GIPC2: variants seen among roughly 807,000 people sequenced by gnomAD.
GIPC2 encodes PDZ domain-containing protein GIPC2.
GIPC2 carries 30 observed loss-of-function variants against 30.6 expected under a neutral mutation model. The observed-to-expected ratio is 0.98, with a 90% CI of 0.73 to 1.33. GIPC2 has a LOEUF of 1.33. Ranked by LOEUF, GIPC2 falls within the 40% of genes most tolerant of loss-of-function variation. The pLI, the probability that GIPC2 is intolerant of heterozygous loss-of-function variation, is 0.00. For synonymous variants in GIPC2, 167 were observed against 150.0 expected (o/e 1.11, Z -0.83); for missense variants, 414 against 390.3 (o/e 1.06, Z -0.51).
rs143290392 is a variant in GIPC2, at chr1:78,083,709, G to A, written c.426+2849G>A. 5.9e-3 allele frequency among the ~76,000 whole-genome samples: 897 copies of A among 152,248 alleles called. 9 individuals are homozygous for A. Among genetic ancestry groups the A allele is most frequent in the African/African-American group, 0.02 (827 of 41,544 alleles). The stretch of plus-strand genomic sequence containing the variant: ...TTATTTATTGTCAACATGGGTACAT[G>A]ACTTCGTGTTTTACTGAATGGTTTA... On this transcript the variant is annotated intron_variant, in intron 2 of 5. Transcript: ENST00000370759.
At chr1:78,093,777 A>C (rs78993133) in intron 2 of GIPC2, among the ~76,000 whole-genome samples, 42 of 152,282 alleles carry the variant, frequency 2.8e-4, no homozygotes, top group African/African-American at 8.4e-4. Flanking sequence ...TATCATTCCT[A>C]TGAAGGATTT....
intron 1 of GIPC2, 79 bp from the exon 2 acceptor site, chr1:78,080,596 C>A: frequency 1.3e-6 from 1 of 775,042 alleles, no homozygotes; most frequent in South Asian, 2.0e-5. Context: ...GTATTTCAGT[C>A]AATAAATGTT....
upstream of GIPC2, chr1:78,045,786 G>C (rs191982465): frequency 7.8e-5 from 89 of 1,138,362 alleles, no homozygotes; most frequent in South Asian, 9.2e-4. Flanking sequence ...CTGTAGCGTC[G>C]GCATCCTCAG....
chr1:78,080,957 G>A, intron 2 of GIPC2, 97 bp downstream of exon 2: 1 of 587,558 alleles, frequency 1.7e-6, no homozygotes, highest in Non-Finnish European at 2.8e-6. Context: ...CAGAGTGAGA[G>A]CCCGCTCAGC....
intron 1 of GIPC2, among the ~76,000 whole-genome samples, chr1:78,067,482 T>C (rs990694887): frequency 3.9e-5 from 6 of 152,118 alleles, no homozygotes; most frequent in African/African-American, 1.4e-4. Flanking sequence ...GATGGAATCT[T>C]GCTCTGTTAC....
rs753214981 is a variant in GIPC2, at chr1:78,119,429, G to C, written c.644G>C (p.Gly215Ala). Residue 215 changes from glycine (G) to alanine (A), a missense_variant, in exon 4 of 6, where the codon GGA (glycine) becomes GCA (alanine). Gly to Ala is a moderately conservative substitution (Grantham distance 60). Transcript: ENST00000370759. ...AGGTCAAAGGCTGGAAAGTCATCAG[G>C]AGAAAAAATTGGTTGTGGAAGGGCA... ...ELRSKAGKSS[G>A]EKIGCGRATL... The C allele has an allele frequency of 6.2e-7, 1 of 1,612,704 alleles. No homozygotes were observed. The highest frequency in any genetic ancestry group is 1.1e-5 in the South Asian group (1 of 91,000).
chr1:78,087,554 T>C (rs1440384258), intron 2 of GIPC2, among the ~76,000 whole-genome samples: 1 of 152,198 alleles, frequency 6.6e-6, no homozygotes, highest in Admixed American at 6.5e-5. Context: ...GAAATGATGC[T>C]GGCTAGCCAT....
intron 5 of GIPC2, among the ~76,000 whole-genome samples, chr1:78,127,091 G>A (rs1013184509): frequency 6.6e-6 from 1 of 152,178 alleles, no homozygotes; most frequent in Non-Finnish European, 1.5e-5. Context: ...TGCATCCACA[G>A]GTATGCATTT....
At chr1:78,064,090 A>G (rs1051323740) in intron 1 of GIPC2, among the ~76,000 whole-genome samples, 11 of 152,232 alleles carry the variant, frequency 7.2e-5, no homozygotes, top group African/African-American at 2.7e-4. Context: ...CATTGCTGTC[A>G]ATGACTTGAT....
At chr1:78,062,584 T>C (rs1352074962) in intron 1 of GIPC2, among the ~76,000 whole-genome samples, 1 of 151,746 alleles carries the variant, frequency 6.6e-6, no homozygotes, top group African/African-American at 2.4e-5. Context: ...CTTGGCCCAC[T>C]GTAACCTCCA....
chr1:78,090,987 T>G (rs1383562124), intron 2 of GIPC2, among the ~76,000 whole-genome samples: 1 of 152,212 alleles, frequency 6.6e-6, no homozygotes, highest in Non-Finnish European at 1.5e-5. Flanking sequence ...AAAAAAAAAT[T>G]TCAGAGTTCA....
chr1:78,052,657 T>G lies in GIPC2; in HGVS notation c.240+6323T>G, dbSNP rs1295411201. On this transcript the variant is annotated intron_variant, in intron 1 of 5. Coordinates refer to ENST00000370759, the MANE Select transcript of GIPC2 (RefSeq NM_017655.6). ...ATATTTAAGGTATACAACACGATGT[T>G]TTGATATAAATAGTGAAATAATTAT... Among the ~76,000 whole-genome samples, 4 of 152,206 alleles carry G rather than the reference T, an allele frequency of 2.6e-5. No individual in the cohort carries two copies. The East Asian group carries it at 7.7e-4, about 29-fold the overall frequency.
chr1:78,098,096 A>G (rs1269408765), intron 3 of GIPC2, among the ~76,000 whole-genome samples: 1 of 152,238 alleles, frequency 6.6e-6, no homozygotes, highest in East Asian at 1.9e-4. Context: ...TTTTCTCTTG[A>G]TTTTGAATCT....
At chr1:78,079,185 G>A (rs1049681757) in intron 1 of GIPC2, among the ~76,000 whole-genome samples, 1 of 152,152 alleles carries the variant, frequency 6.6e-6, no homozygotes, top group Non-Finnish European at 1.5e-5. Context: ...ACAAAGACTG[G>A]GATGAAAAGA....
At position 78,106,325 on chromosome 1, in the gene GIPC2, C is replaced by T. The variant is rs141285115; in HGVS notation, c.607+11193C>T. On this transcript the variant is annotated intron_variant, in intron 3 of 5. Coordinates refer to ENST00000370759, the MANE Select transcript of GIPC2 (RefSeq NM_017655.6). ...CTGTAATCCCAGCACTTTGGGAGGCCGAGATGGGCGGATCACGAGGTCAGG... is the reference window on the plus strand; with the variant it reads ...CTGTAATCCCAGCACTTTGGGAGGCTGAGATGGGCGGATCACGAGGTCAGG... Among the ~76,000 whole-genome samples the T allele has an allele frequency of 1.1e-3, 172 of 151,042 alleles. 1 individual carries two copies. The East Asian group carries it at 0.013, about 12-fold the overall frequency.
chr1:78,046,583 G>A (rs1007975649), intron 1 of GIPC2, among the ~76,000 whole-genome samples: 17 of 152,296 alleles, frequency 1.1e-4, no homozygotes, highest in African/African-American at 4.1e-4. Flanking sequence ...GAAGCGGGTT[G>A]AGGGAGGCAA....
chr1:78,070,931 G>C (rs1026188792), intron 1 of GIPC2, among the ~76,000 whole-genome samples: 30 of 152,004 alleles, frequency 2.0e-4, no homozygotes, highest in Non-Finnish European at 4.4e-5. Context: ...TAATTTAGAA[G>C]TGAATCATTT....
chr1:78,108,420 G>A (rs773717669), intron 3 of GIPC2, among the ~76,000 whole-genome samples: 12 of 152,156 alleles, frequency 7.9e-5, no homozygotes, highest in Non-Finnish European at 1.5e-4. Flanking sequence ...CTTCTGATAT[G>A]CATCACACCC....
At chr1:78,107,622 C>T (rs1037172621) in intron 3 of GIPC2, among the ~76,000 whole-genome samples, 2 of 151,562 alleles carry the variant, frequency 1.3e-5, no homozygotes, top group East Asian at 1.9e-4. Context: ...GTCAGGAGTT[C>T]GAGACCAGCC....
Sources: allele counts gnomAD v4.1 joint callset (sites outside exome capture counted in the v4.1 genomes callset), GRCh38; gene constraint gnomAD v4.1.1; transcripts MANE v1.5; gene names NCBI Gene and HGNC (gene_info 2026-07-23, HGNC 2026-07-21).